Variants in AGBL4 observed in about 807,000 individuals in gnomAD.
AGBL4 encodes cytosolic carboxypeptidase 6.
AGBL4 carries 58 observed loss-of-function variants against 66.4 expected under a neutral mutation model. The ratio of observed to expected loss-of-function variants is 0.87; its 90% CI spans 0.71 to 1.09. The LOEUF (loss-of-function observed/expected upper bound fraction) is 1.09. Ranked by LOEUF, AGBL4 falls within the 50% of genes least tolerant of loss-of-function variation. The pLI is 0.00. For synonymous variants in AGBL4, 234 were observed against 222.9 expected, an observed-to-expected ratio of 1.05 and a Z score of -0.44; for missense variants, 579 against 631.0, an observed-to-expected ratio of 0.92 and a Z score of 0.88.
chr1:48,574,027 C>T (rs1165264058), intron 11 of AGBL4, among the ~76,000 whole-genome samples: 1 of 152,224 alleles, frequency 6.6e-6, no homozygotes, highest in Non-Finnish European at 1.5e-5. Flanking sequence ...CCAGGTCAGC[C>T]TGGCTCCAAA....
rs898885921 is a variant in AGBL4 at position 50,003,904 on chromosome 1, C to T, written c.34+19859G>A. ...TAAATAGAAGCCTCCATCAATCATC[C>T]TTCCCACAGGAACACCAAATGAACA... On this transcript the variant is annotated intron_variant, in intron 1 of 13. Coordinates refer to ENST00000371839, the MANE Select transcript of AGBL4 (RefSeq NM_032785.4). 2.0e-5 allele frequency among the ~76,000 whole-genome samples: 3 copies of T among 152,264 alleles called. No homozygotes were observed. The East Asian group carries it at 5.8e-4, about 29-fold the overall frequency.
chr1:49,642,809 TG>T (rs2124413530), intron 3 of AGBL4, among the ~76,000 whole-genome samples: 1 of 152,132 alleles, frequency 6.6e-6, no homozygotes, highest in East Asian at 1.9e-4. Flanking sequence ...AAGAAAGATC[TG>T]AAAGGATTAA....
chr1:50,001,039 T>C (rs1318546345), intron 1 of AGBL4, among the ~76,000 whole-genome samples: 1 of 151,640 alleles, frequency 6.6e-6, no homozygotes, highest in Non-Finnish European at 1.5e-5. Flanking sequence ...ATTTAAAAAA[T>C]TAAAAATTAA....
At chr1:49,056,730 C>T (rs940292062) in intron 4 of AGBL4, among the ~76,000 whole-genome samples, 3 of 151,906 alleles carry the variant, frequency 2.0e-5, no homozygotes, top group African/African-American at 7.3e-5. Flanking sequence ...GCTGTCCAAG[C>T]AATGTATAAT....
chr1:49,330,975 C>T (rs1373880639), intron 3 of AGBL4, among the ~76,000 whole-genome samples: 1 of 152,148 alleles, frequency 6.6e-6, no homozygotes, highest in East Asian at 1.9e-4. Context: ...GACAAGGGAA[C>T]CCCCACTCCC....
chr1:49,478,063 G>T (rs1014526192), intron 3 of AGBL4, among the ~76,000 whole-genome samples: 1 of 151,786 alleles, frequency 6.6e-6, no homozygotes, highest in African/African-American at 2.4e-5. Context: ...AAGCCTGCTT[G>T]CAGGATTTAG....
At chr1:49,738,436 G>T (rs1358603821) in intron 2 of AGBL4, among the ~76,000 whole-genome samples, 1 of 152,234 alleles carries the variant, frequency 6.6e-6, no homozygotes, top group Non-Finnish European at 1.5e-5. Flanking sequence ...GCCCACCGCA[G>T]CTCAAGGAGG....
intron 2 of AGBL4, among the ~76,000 whole-genome samples, chr1:49,726,777 A>G (rs1390994802): frequency 6.6e-6 from 1 of 152,150 alleles, no homozygotes; most frequent in Non-Finnish European, 1.5e-5. Flanking sequence ...TTTTCTCCCC[A>G]TCCTTCATCA....
intron 6 of AGBL4, among the ~76,000 whole-genome samples, chr1:48,700,723 C>T (rs1429419573): frequency 6.6e-6 from 1 of 152,174 alleles, no homozygotes; most frequent in Non-Finnish European, 1.5e-5. Flanking sequence ...TGATCACCCA[C>T]CATGTGCCAC....
chr1:49,971,989 C>T (rs1379977571), intron 1 of AGBL4, among the ~76,000 whole-genome samples: 1 of 130,240 alleles, frequency 7.7e-6, no homozygotes, highest in Admixed American at 9.2e-5. Context: ...ACGGTCTCGG[C>T]TCACTGCAAG....
At chr1:48,856,425 C>T (rs1647154294) in intron 6 of AGBL4, among the ~76,000 whole-genome samples, 1 of 152,162 alleles carries the variant, frequency 6.6e-6, no homozygotes, top group African/African-American at 2.4e-5. Context: ...ATTTATTTTT[C>T]TTCTCTAAAG....
At chr1:50,004,101 A>G (rs982127547) in intron 1 of AGBL4, among the ~76,000 whole-genome samples, 7 of 152,198 alleles carry the variant, frequency 4.6e-5, no homozygotes, top group South Asian at 2.1e-4. Flanking sequence ...GCCACATGGC[A>G]CAGAAAAAGA....
At chr1:48,581,329 T>A (rs1569872656) in intron 11 of AGBL4, among the ~76,000 whole-genome samples, 1 of 152,148 alleles carries the variant, frequency 6.6e-6, no homozygotes, top group Non-Finnish European at 1.5e-5. Context: ...CTTGACCACA[T>A]CAGCCATACC....
At chr1:48,686,981 G>T (rs1646542456) in intron 6 of AGBL4, among the ~76,000 whole-genome samples, 1 of 151,736 alleles carries the variant, frequency 6.6e-6, no homozygotes, top group Admixed American at 6.6e-5. Flanking sequence ...ACCAGGCTTA[G>T]CTGTCTGGTC....
intron 1 of AGBL4, among the ~76,000 whole-genome samples, chr1:49,940,191 G>C (rs907693871): frequency 6.6e-6 from 1 of 152,154 alleles, no homozygotes; most frequent in Non-Finnish European, 1.5e-5. Context: ...TCATTAAAAA[G>C]TCAGGAAACA....
chr1:48,878,377 A>C (rs1649425578), intron 5 of AGBL4, among the ~76,000 whole-genome samples: 2 of 152,210 alleles, frequency 1.3e-5, no homozygotes, highest in South Asian at 4.1e-4. Flanking sequence ...TGTAGGAATC[A>C]ACAATTCACC....
chr1:49,660,912 G>A (rs1473342107), intron 3 of AGBL4, among the ~76,000 whole-genome samples: 2 of 151,894 alleles, frequency 1.3e-5, no homozygotes, highest in Non-Finnish European at 2.9e-5. Flanking sequence ...GGGAACACAT[G>A]AACAAAGGGA....
chr1:49,923,666 C>T (rs1440341080), intron 1 of AGBL4, among the ~76,000 whole-genome samples: 7 of 152,056 alleles, frequency 4.6e-5, no homozygotes, highest in Non-Finnish European at 1.0e-4. Flanking sequence ...CATGAACAGA[C>T]ACTTCTCAAA....
chr1:48,849,089 A>G (rs891942284), intron 6 of AGBL4, among the ~76,000 whole-genome samples: 1 of 152,232 alleles, frequency 6.6e-6, no homozygotes, highest in African/African-American at 2.4e-5. Flanking sequence ...CAGATGTGGA[A>G]AGGAAAATAA....
Sources: allele counts gnomAD v4.1 joint callset (sites outside exome capture counted in the v4.1 genomes callset), GRCh38; gene constraint gnomAD v4.1.1; transcripts MANE v1.5; gene names NCBI Gene and HGNC (gene_info 2026-07-23, HGNC 2026-07-21).